NOTCH3: variants seen among roughly 807,000 people sequenced by gnomAD.
The protein encoded by NOTCH3 is notch receptor 3.
Under a neutral mutation model 213.3 loss-of-function variants are expected in NOTCH3, and 86 were observed. The observed-to-expected ratio is 0.40, with a 90% CI of 0.34 to 0.48. The LOEUF (loss-of-function observed/expected upper bound fraction) is 0.48, where lower values mean the gene tolerates loss of function less well. Ranked by LOEUF, NOTCH3 falls within the 20% of genes least tolerant of loss-of-function variation. The pLI, the probability that NOTCH3 is intolerant of heterozygous loss-of-function variation, is 0.57. For synonymous variants in NOTCH3, 1,354 were observed against 1,355.9 expected, an observed-to-expected ratio of 1.00 and a Z score of 0.03; for missense variants, 2,783 against 3,272.6, an observed-to-expected ratio of 0.85 and a Z score of 3.65.
Position 15,165,386 on chromosome 19 carries a change from T to C in NOTCH3, c.5797A>G (p.Asn1933Asp). The C allele has an allele frequency of 6.2e-7, 1 of 1,608,074 alleles. No individual in the cohort carries two copies. Residue 1933 changes from asparagine (N) to aspartate (D), a missense_variant, in exon 31 of 33, where the codon AAT (asparagine) becomes GAT (aspartate). By Grantham distance (23) the Asn-to-Asp change is conservative (BLOSUM62 1). This residue lies in a region of NOTCH3 where 636 missense variants were observed against 801.8 expected (regional missense o/e 0.79). Transcript: ENST00000263388. The surrounding 1 kb of genome is among the most constrained non-coding windows in gnomAD (Gnocchi z 4.7). ...EELIASHADV[N>D]AVDELGKSAL... ...AACCTACCAAGCTCATCCACAGCAT[T>C]GACATCAGCATGGCTGGCGATGAGC...
rs537542908 is a variant in NOTCH3, at chr19:15,176,892, G to A, written c.4403+633C>T. On this transcript the variant is annotated intron_variant, in intron 24 of 32. Coordinates refer to ENST00000263388, the MANE Select transcript of NOTCH3 (RefSeq NM_000435.3). ...TCGTGAGCAGCCTGGCCAATATGGTGAAACCCTGTCTCTACTAAAAATACA... is the reference window on the plus strand; with the variant it reads ...TCGTGAGCAGCCTGGCCAATATGGTAAAACCCTGTCTCTACTAAAAATACA... Among the ~76,000 whole-genome samples the A allele has an allele frequency of 1.9e-4, 28 of 150,956 alleles. No homozygotes were observed. In the East Asian group the frequency reaches 5.1e-3, roughly 27 times the overall value.
At chr19:15,162,395 G>T in intron 32 of NOTCH3, 70 bp downstream of exon 32, 1 of 1,022,558 alleles carries the variant, frequency 9.8e-7, no homozygotes, top group Non-Finnish European at 1.6e-6. Context: ...GTCTCACTCT[G>T]TTGCCCAGGC....
At position 15,180,229 on chromosome 19, in the gene NOTCH3, G is replaced by A. The variant is rs368146879; in HGVS notation, c.3170C>T (p.Ala1057Val). 1.2e-4 allele frequency: 191 copies of A among 1,613,580 alleles called. 1 individual carries two copies. The highest frequency in any genetic ancestry group is 8.0e-4 in the South Asian group (73 of 91,076). Residue 1057 changes from alanine to valine, a missense_variant, in exon 20 of 33, where the codon GCG becomes GTG. By Grantham distance (64) the Ala-to-Val change is moderately conservative. Around this residue, in one of 6 missense-constraint regions of NOTCH3, gnomAD observed 861 missense variants for 909.1 expected, o/e 0.95. Transcript: ENST00000263388. ...IGVRLEQLCQAGGQCVDEDSS... is the reference protein window; with the variant it reads ...IGVRLEQLCQVGGQCVDEDSS... The stretch of plus-strand genomic sequence containing the variant: ...GTCTTCATCCACACACTGCCCACCC[G>A]CCTGACACAGCTGCTCCAGCCGCAC...
At position 15,186,925 on chromosome 19, in the gene NOTCH3, C is replaced by T. The variant is rs530073028; in HGVS notation, c.1904G>A (p.Arg635His). 13 of 1,614,224 alleles carry T rather than the reference C, an allele frequency of 8.1e-6. No individual in the cohort carries two copies. Among genetic ancestry groups the T allele is most frequent in the East Asian group, 4.5e-5 (2 of 44,876 alleles). Residue 635 changes from arginine (R) to histidine (H), a missense_variant, in exon 12 of 33, where the codon CGT becomes CAT. By Grantham distance (29) the Arg-to-His change is conservative (BLOSUM62 0). Transcript: ENST00000263388. ...ACAGTCGTAGCGGTTGATGCCATCA[C>T]GGCAGACTCCAAAGGTGCAGGGGTT... ...ASNPCTFGVC[R>H]DGINRYDCVC...
chr19:15,187,808 A>C (rs1568359865), intron 10 of NOTCH3, 73 bp downstream of exon 10: 1 of 1,247,374 alleles, frequency 8.0e-7, no homozygotes, highest in East Asian at 2.5e-5. Context: ...GCTCTCCCCA[A>C]GTCTGTTATT....
At chr19:15,200,125 G>A (rs1194233271) in intron 1 of NOTCH3, among the ~76,000 whole-genome samples, 1 of 150,904 alleles carries the variant, frequency 6.6e-6, no homozygotes, top group African/African-American at 2.4e-5. Context: ...AGGGGAGCAC[G>A]TGGGCCCTCG....
rs760245739 is a variant in NOTCH3 at position 15,188,264 on chromosome 19, A to T, written c.1463T>A (p.Val488Asp). ...GGGGCAGGTGCAGCTGAAGCCATTG[A>T]CTCGGTCCTTGCAGACCCCACCGTT... ...CVNGGVCKDR[V>D]NGFSCTCPSG... The change falls in exon 9 of 33, where the codon GTC becomes GAC. Residue 488 changes from valine to aspartate, a missense_variant. Val to Asp is a radical substitution (Grantham distance 152). Transcript: ENST00000263388. 2 of 1,601,598 alleles carry T rather than the reference A, an allele frequency of 1.2e-6. No homozygotes were observed. The highest frequency in any genetic ancestry group is 1.7e-6 in the Non-Finnish European group (2 of 1,173,910).
At position 15,161,526 on chromosome 19, in the gene NOTCH3, G is replaced by T. The variant is rs114887570; in HGVS notation, c.6102C>A (p.Pro2034=). 1 of 1,598,394 alleles carries T rather than the reference G, an allele frequency of 6.3e-7. No homozygotes were observed. Among genetic ancestry groups the T allele is most frequent in the East Asian group, 2.3e-5 (1 of 44,340 alleles). ...LDQPSGPRSP[P]GPHGLGPLLC... is the part of the protein sequence containing the mutation. The stretch of plus-strand genomic sequence containing the variant: ...GCAGAGGCCCCAGGCCGTGGGGACC[G>T]GGGGGGCTGCGGGGCCCACTGGGTT... Residue 2034 remains proline (P), a synonymous_variant, in exon 33 of 33, where the codon CCC becomes CCA. Transcript: ENST00000263388.
rs772413768 is a variant in NOTCH3 at position 15,174,249 on chromosome 19, G to A, written c.4555C>T (p.Leu1519=). The part of the protein sequence containing the change: ...ARGVLVLTVL[L]PPEELLRSSA... ...GAACGCAGTAGCTCCTCTGGCGGCA[G>A]CAGCACTGTGAGCACCAGCACGCCG... The change falls in exon 25 of 33, where the codon CTG becomes TTG. Residue 1519 remains leucine (L), a synonymous_variant. Transcript: ENST00000263388. The A allele has an allele frequency of 1.3e-6, 2 of 1,587,824 alleles. No individual in the cohort carries two copies. The highest frequency in any genetic ancestry group is 2.7e-5 in the African/African-American group (2 of 74,374).
chr19:15,180,604 C>T (rs187620911), intron 19 of NOTCH3, 77 bp downstream of exon 19: 2 of 1,493,156 alleles, frequency 1.3e-6, no homozygotes, highest in East Asian at 4.9e-5. Flanking sequence ...CACCCCCATT[C>T]GGCTCACACT....
chr19:15,171,259 C>T (rs769126249), intron 25 of NOTCH3, among the ~76,000 whole-genome samples: 5 of 152,138 alleles, frequency 3.3e-5, no homozygotes, highest in African/African-American at 4.8e-5. Context: ...AACTCCTGAC[C>T]TCAAGTGATC....
At chr19:15,188,836 T>C (rs1270779194) in intron 8 of NOTCH3, among the ~76,000 whole-genome samples, 153 bp downstream of exon 8, 1 of 152,068 alleles carries the variant, frequency 6.6e-6, no homozygotes, top group Non-Finnish European at 1.5e-5. Context: ...CAGTATTCCC[T>C]TCTGGTCCTG....
At chr19:15,188,449 C>T in intron 8 of NOTCH3, 101 bp from the exon 9 acceptor site, 1 of 797,786 alleles carries the variant, frequency 1.3e-6, no homozygotes, top group Non-Finnish European at 2.1e-6. Flanking sequence ...GACAAATCCC[C>T]CGAGCCTTCG....
rs1470335292 is a variant in NOTCH3, at chr19:15,163,633, T to A, written c.5816-1071A>T. Among the ~76,000 whole-genome samples, 4 of 152,182 alleles carry A rather than the reference T, an allele frequency of 2.6e-5. No individual in the cohort carries two copies. In the East Asian group the frequency reaches 7.8e-4, roughly 29 times the overall value. On this transcript the variant is annotated intron_variant, in intron 31 of 32. Coordinates refer to ENST00000263388, the MANE Select transcript of NOTCH3 (RefSeq NM_000435.3). ...ATTGCTTAAGGCCAGGAGTTTGAGATCAGCCTGGGCAACAAAGTGAGACCC... is the reference window on the plus strand; with the variant it reads ...ATTGCTTAAGGCCAGGAGTTTGAGAACAGCCTGGGCAACAAAGTGAGACCC...
At chr19:15,166,749 A>G (rs549837632) in intron 29 of NOTCH3, among the ~76,000 whole-genome samples, 2 of 152,218 alleles carry the variant, frequency 1.3e-5, no homozygotes, top group Non-Finnish European at 1.5e-5. Context: ...TTAGGGAGCC[A>G]CTTGCATCCG....
At chr19:15,188,523 C>T (rs1363616235) in intron 8 of NOTCH3, among the ~76,000 whole-genome samples, 175 bp from the exon 9 acceptor site, 1 of 152,060 alleles carries the variant, frequency 6.6e-6, no homozygotes, top group Non-Finnish European at 1.5e-5. Flanking sequence ...GTCACCCAGC[C>T]GTGGTCCCAA....
At chr19:15,174,455 T>A in intron 24 of NOTCH3, 55 bp from the exon 25 acceptor site, 1 of 1,322,440 alleles carries the variant, frequency 7.6e-7, no homozygotes, top group Non-Finnish European at 1.0e-6. Flanking sequence ...GAGGAGACAA[T>A]CCCCTTCCAT....
At chr19:15,189,224 C>A (rs1418988030) in intron 7 of NOTCH3, 49 bp downstream of exon 7, 9 of 1,613,418 alleles carry the variant, frequency 5.6e-6, no homozygotes, top group Admixed American at 1.7e-5. Context: ...GGGACCCCCT[C>A]CTCTCCCCTC....
chr19:15,190,445 C>T (rs1333463451), intron 6 of NOTCH3, among the ~76,000 whole-genome samples: 2 of 152,166 alleles, frequency 1.3e-5, no homozygotes, highest in African/African-American at 2.4e-5. Flanking sequence ...CTGATCTTTG[C>T]CACTTCCAAA....
Sources: gnomAD v4.1 joint callset for allele counts (sites outside exome capture counted in the v4.1 genomes callset) on GRCh38, gnomAD v4.1.1 for gene constraint, gnomAD v4.1.1 regional missense constraint, Gnocchi (gnomAD v3.1) non-coding constraint, MANE v1.5 for transcripts, NCBI Gene and HGNC (gene_info 2026-07-23, HGNC 2026-07-21) for gene names.